ARPC5L: variants seen among roughly 807,000 people sequenced by gnomAD.
The protein encoded by ARPC5L is actin-related protein 2/3 complex subunit 5-like protein.
Under a neutral mutation model 16.9 loss-of-function variants are expected in ARPC5L, and 4 were observed. That is an observed-to-expected ratio of 0.24 (90% CI 0.12 to 0.54). The LOEUF is 0.54. Among genes scored for constraint, ARPC5L ranks in the 20% least tolerant of loss-of-function variants. ARPC5L has a pLI of 0.95. For synonymous variants in ARPC5L, 78 were observed against 82.6 expected, an observed-to-expected ratio of 0.94 and a Z score of 0.30; for missense variants, 151 against 201.9, an observed-to-expected ratio of 0.75 and a Z score of 1.53.
intron 4 of ARPC5L, 149 bp downstream of exon 4, chr9:124,873,913 G>A: frequency 2.4e-6 from 2 of 850,702 alleles, no homozygotes; most frequent in Non-Finnish European, 3.7e-6. Context: ...GCGCTCCCTA[G>A]GTGGTGAGGC....
At chr9:124,868,279 T>C (rs1020491107) in intron 2 of ARPC5L, 149 bp from the exon 3 acceptor site, 4 of 152,074 alleles carry the variant, frequency 2.6e-5, no homozygotes, top group Non-Finnish European at 5.9e-5. Context: ...TAGATGAAAA[T>C]AGTTTTCACA....
chr9:124,867,865 A>G (rs529435273), intron 2 of ARPC5L, among the ~76,000 whole-genome samples: 2 of 145,424 alleles, frequency 1.4e-5, no homozygotes, highest in East Asian at 4.1e-4. Context: ...GCTGGAGCGT[A>G]ATGGCGCGAT....
In ARPC5L at chr9:124,867,549, TGTCTCCCTGGCTGGAATGAAA is replaced by T. The variant is rs374318633; in HGVS notation, c.-863-875_-863-855del. On this transcript the variant is annotated intron_variant, in intron 2 of 5. Coordinates refer to ENST00000353214, the MANE Select transcript of ARPC5L (RefSeq NM_030978.3). ...TCGTATAATATGGATTTTTAAATTGTGTCTCCCTGGCTGGAATGAAAGTCCATGACCATGAGCTGGGACATT... is the reference window on the plus strand; with the variant it reads ...TCGTATAATATGGATTTTTAAATTGTGTCCATGACCATGAGCTGGGACATT... Among the ~76,000 whole-genome samples the T allele has an allele frequency of 5.0e-3, 766 of 152,296 alleles. 5 individuals are homozygous for T. Among genetic ancestry groups the T allele is most frequent in the African/African-American group, 0.017 (718 of 41,540 alleles).
rs1340689461 is a variant in ARPC5L at position 124,869,316 on chromosome 9, G to T, written c.26G>T (p.Arg9Leu). Residue 9 changes from arginine to leucine, a missense_variant, in exon 3 of 6, where the codon CGC (arginine) becomes CTC (leucine). Physicochemically the swap from Arg to Leu is moderately radical, Grantham distance 102. Transcript: ENST00000353214. ...ATGGCCCGGAACACGCTGTCCTCGC[G>T]CTTCCGCCGGGTGGACATCGACGAA... MARNTLSSRFRRVDIDEFD... is the reference protein window; with the variant it reads MARNTLSSLFRRVDIDEFD... 2.6e-6 allele frequency: 4 copies of T among 1,530,598 alleles called. No homozygotes were observed. Among genetic ancestry groups the T allele is most frequent in the Non-Finnish European group, 3.5e-6 (4 of 1,138,734 alleles). The allele number at this position is 1,530,598 out of a possible 1,614,324, so 94.8% of individuals were successfully genotyped here. A position where few individuals can be genotyped will look rare whatever the true frequency, so the allele number is the denominator to read the frequency against.
intron 2 of ARPC5L, among the ~76,000 whole-genome samples, chr9:124,867,707 C>G (rs1183067530): frequency 6.6e-6 from 1 of 152,032 alleles, no homozygotes; most frequent in Non-Finnish European, 1.5e-5. Context: ...TCTGCTGTCT[C>G]GTGGCAGACC....
chr9:124,875,161 C>G lies in ARPC5L; in HGVS notation c.399+10C>G, dbSNP rs763317844. The G allele has an allele frequency of 1.6e-5, 26 of 1,608,484 alleles. No homozygotes were observed. In the South Asian group the frequency reaches 2.9e-4, roughly 18 times the overall value. Reference sequence around the variant, plus strand: ...CCAGTGGCACGAAAAGGTATGTGAACGCTGCCACGCGCCCCAGTGAGCCAC... The same window carrying G: ...CCAGTGGCACGAAAAGGTATGTGAAGGCTGCCACGCGCCCCAGTGAGCCAC... On this transcript the variant is annotated intron_variant, in intron 5 of 5. Transcript: ENST00000353214.
chr9:124,876,919 T>C lies in ARPC5L; in HGVS notation c.441T>C (p.Leu147=), dbSNP rs370580029. The change falls in exon 6 of 6, where the codon CTT becomes CTC. Residue 147 remains leucine (L), a synonymous_variant. Coordinates refer to ENST00000353214, the MANE Select transcript of ARPC5L (RefSeq NM_030978.3). The stretch of plus-strand genomic sequence containing the variant: ...GACTAGGCTCCATTATAAGAGTTCT[T>C]ACAGCAAGAAAGACTGTTTAAAAAA... ...VGGLGSIIRV[L]TARKTV is the part of the protein sequence containing the mutation. 69 of 1,613,222 alleles carry C rather than the reference T, an allele frequency of 4.3e-5. No homozygotes were observed. The Middle Eastern group carries it at 4.9e-4, about 12-fold the overall frequency.
chr9:124,863,226 C>G (rs1829228701), intron 1 of ARPC5L, among the ~76,000 whole-genome samples: 1 of 152,146 alleles, frequency 6.6e-6, no homozygotes, highest in Non-Finnish European at 1.5e-5. Context: ...GCGATCTCGG[C>G]TCACTGCAAC....
chr9:124,864,178 G>T (rs1829240188), intron 2 of ARPC5L, 71 bp downstream of exon 2: 1 of 149,594 alleles, frequency 6.7e-6, no homozygotes. Context: ...ATCCCGGCAT[G>T]GCTTAGACTT....
chr9:124,864,926 GC>G (rs1285641881), intron 2 of ARPC5L, among the ~76,000 whole-genome samples: 1 of 151,918 alleles, frequency 6.6e-6, no homozygotes, highest in East Asian at 1.9e-4. Flanking sequence ...TTCTGCCTCA[GC>G]CTCCCAGCCT....
intron 3 of ARPC5L, among the ~76,000 whole-genome samples, chr9:124,870,647 C>G (rs1314164729): frequency 1.3e-5 from 2 of 152,310 alleles, no homozygotes; most frequent in South Asian, 4.1e-4. Flanking sequence ...AATCCACCCT[C>G]CTTATGAAAT....
rs879813312 is a variant in ARPC5L at position 124,862,152 on chromosome 9, A to G, written c.-1230A>G. ...CTCATTCACGGCACCCCTGATAGCGAGGTCGGCGTCACGGTGTAGGCGCGC... is the reference window on the plus strand; with the variant it reads ...CTCATTCACGGCACCCCTGATAGCGGGGTCGGCGTCACGGTGTAGGCGCGC... On this transcript the variant is annotated 5_prime_UTR_variant, in exon 1 of 6. Coordinates refer to ENST00000353214, the MANE Select transcript of ARPC5L (RefSeq NM_030978.3). 87 of 480,614 alleles carry G rather than the reference A, an allele frequency of 1.8e-4. No homozygotes were observed. Among genetic ancestry groups the G allele is most frequent in the Middle Eastern group, 5.7e-4 (1 of 1,752 alleles). 29.8% of individuals were successfully genotyped at this position (480,614 alleles called of 1,614,324 possible). A position where few individuals can be genotyped will look rare whatever the true frequency, so the allele number is the denominator to read the frequency against.
chr9:124,871,760 C>T (rs1829363793), intron 3 of ARPC5L, among the ~76,000 whole-genome samples: 1 of 152,270 alleles, frequency 6.6e-6, no homozygotes, highest in East Asian at 1.9e-4. Context: ...ATTTTGCACC[C>T]TTCCCCTCCA....
Position 124,868,690 on chromosome 9 carries a change from T to G in ARPC5L, c.-601T>G, listed in dbSNP as rs555192073. The G allele has an allele frequency of 6.6e-6, 1 of 152,486 alleles. No homozygotes were observed. Among genetic ancestry groups the G allele is most frequent in the East Asian group, 1.9e-4 (1 of 5,188 alleles). 9.4% of individuals were successfully genotyped at this position (152,486 alleles called of 1,614,324 possible). On this transcript the variant is annotated 5_prime_UTR_variant, in exon 3 of 6. Coordinates refer to ENST00000353214, the MANE Select transcript of ARPC5L (RefSeq NM_030978.3). ...GTACAGGCGGCCTCCTCGTACTAAG[T>G]GTGGTGGCGTTCAAGGCTCCGAGAC...
chr9:124,874,647 A>G (rs1279568199), intron 4 of ARPC5L, among the ~76,000 whole-genome samples: 1 of 152,010 alleles, frequency 6.6e-6, no homozygotes, highest in Non-Finnish European at 1.5e-5. Context: ...GCACCACTGC[A>G]CTCTAGCTCA....
intron 2 of ARPC5L, among the ~76,000 whole-genome samples, 161 bp from the exon 3 acceptor site, chr9:124,868,267 A>G (rs1295854136): frequency 2.0e-5 from 3 of 152,204 alleles, no homozygotes; most frequent in Non-Finnish European, 4.4e-5. Flanking sequence ...AAAGAGTACT[A>G]TTAGATGAAA....
chr9:124,867,741 G>C (rs1171523612), intron 2 of ARPC5L, among the ~76,000 whole-genome samples: 1 of 151,778 alleles, frequency 6.6e-6, no homozygotes, highest in African/African-American at 2.4e-5. Context: ...TTTTTTCCCA[G>C]ATATGGAACT....
rs953093647 is a variant in ARPC5L at position 124,864,811 on chromosome 9, C to CT, written c.-864+717dup. Among the ~76,000 whole-genome samples, 591 of 143,194 alleles carry CT rather than the reference C, an allele frequency of 4.1e-3. 4 individuals carry two copies. The highest frequency in any genetic ancestry group is 0.012 in the Middle Eastern group (3 of 258). The allele number at this position is 143,194 out of a possible 152,430, so 93.9% of individuals were successfully genotyped here. A position where few individuals can be genotyped will look rare whatever the true frequency, so the allele number is the denominator to read the frequency against. On this transcript the variant is annotated intron_variant, in intron 2 of 5. Transcript: ENST00000353214. Reference sequence around the variant, plus strand: ...GAGCCACGGCGCAGTGCGCCTGGACCTTTTTTTTTTTTTGAGACTGAGTTT... The same window carrying CT: ...GAGCCACGGCGCAGTGCGCCTGGACCTTTTTTTTTTTTTTGAGACTGAGTTT...
intron 2 of ARPC5L, among the ~76,000 whole-genome samples, 168 bp from the exon 3 acceptor site, chr9:124,868,255 AAAAAG>A (rs1829298977): frequency 6.6e-6 from 1 of 152,210 alleles, no homozygotes; most frequent in Non-Finnish European, 1.5e-5. Context: ...GACTTTTATT[AAAAAG>A]AGTACTATTA....
Sources: allele counts gnomAD v4.1 joint callset (sites outside exome capture counted in the v4.1 genomes callset), GRCh38; gene constraint gnomAD v4.1.1; transcripts MANE v1.5; gene names NCBI Gene and HGNC (gene_info 2026-07-23, HGNC 2026-07-21).